ZFPM2: variants seen among roughly 807,000 people sequenced by gnomAD.
ZFPM2 encodes the protein zinc finger protein ZFPM2.
In ZFPM2, 20 loss-of-function variants were observed where a neutral mutation model predicts 98.6. That is an observed-to-expected ratio of 0.20 (90% confidence interval 0.14 to 0.29). ZFPM2 has a LOEUF of 0.29. Among genes scored for constraint, ZFPM2 ranks in the 10% least tolerant of loss-of-function variants. ZFPM2 has a pLI of 1.00. For synonymous variants in ZFPM2, 518 were observed against 502.7 expected, an observed-to-expected ratio of 1.03 and a Z score of -0.41; for missense variants, 1,310 against 1,388.6, an observed-to-expected ratio of 0.94 and a Z score of 0.90.
intron 5 of ZFPM2, among the ~76,000 whole-genome samples, chr8:105,734,651 A>G (rs964962686): frequency 6.6e-6 from 1 of 151,960 alleles, no homozygotes; most frequent in African/African-American, 2.4e-5. Context: ...TAAATATTTG[A>G]TAAATCAGAA....
intron 3 of ZFPM2, among the ~76,000 whole-genome samples, chr8:105,516,388 A>G (rs1030327334): frequency 2.1e-5 from 3 of 145,814 alleles, no homozygotes; most frequent in African/African-American, 8.2e-5. Flanking sequence ...TCTTGAAACT[A>G]ATTATTAAAA....
chr8:105,378,971 G>A (rs1247006540), intron 1 of ZFPM2, among the ~76,000 whole-genome samples: 1 of 152,088 alleles, frequency 6.6e-6, no homozygotes, highest in Non-Finnish European at 1.5e-5. Context: ...TAGATGGTTA[G>A]ATAGGTAGGT....
At chr8:105,746,043 A>G (rs1466760450) in intron 5 of ZFPM2, among the ~76,000 whole-genome samples, 1 of 152,028 alleles carries the variant, frequency 6.6e-6, no homozygotes, top group Non-Finnish European at 1.5e-5. Flanking sequence ...AAGTGCTGGG[A>G]TTATAGACCC....
At chr8:105,559,493 G>T (rs1338109086) in intron 3 of ZFPM2, among the ~76,000 whole-genome samples, 1 of 152,090 alleles carries the variant, frequency 6.6e-6, no homozygotes, top group Admixed American at 6.6e-5. Context: ...GAGAAGAAGG[G>T]TGAATGAAAG....
At chr8:105,573,355 C>T (rs1815397556) in intron 4 of ZFPM2, among the ~76,000 whole-genome samples, 1 of 152,102 alleles carries the variant, frequency 6.6e-6, no homozygotes, top group African/African-American at 2.4e-5. Flanking sequence ...TGACTGGGGG[C>T]CAACTCAGAG....
At chr8:105,375,120 A>T (rs1210115744) in intron 1 of ZFPM2, among the ~76,000 whole-genome samples, 1 of 152,060 alleles carries the variant, frequency 6.6e-6, no homozygotes, top group East Asian at 1.9e-4. Context: ...ATGGACCTAA[A>T]TTTTTTTTCC....
intron 4 of ZFPM2, among the ~76,000 whole-genome samples, chr8:105,567,248 A>G (rs542811084): frequency 6.6e-6 from 1 of 152,300 alleles, no homozygotes; most frequent in South Asian, 2.1e-4. Context: ...AAGGCTGCTC[A>G]GTGGGCACAC....
At chr8:105,494,584 C>G (rs572027459) in intron 3 of ZFPM2, among the ~76,000 whole-genome samples, 151 of 152,124 alleles carry the variant, frequency 9.9e-4, no homozygotes, top group African/African-American at 3.2e-3. Context: ...TTTCCATTGT[C>G]CTTTGAAGAA....
At position 105,556,580 on chromosome 8, in the gene ZFPM2, C is replaced by A. The variant is rs57125833; in HGVS notation, c.302-4783C>A. 3.9e-5 allele frequency among the ~76,000 whole-genome samples: 6 copies of A among 152,176 alleles called. No individual in the cohort carries two copies. The East Asian group carries it at 1.2e-3, about 30-fold the overall frequency. ...TCATTCAATTGTGAACCCATTCCAGCGTGTATCCCGGTCTACCACTTTACA... is the reference window on the plus strand; with the variant it reads ...TCATTCAATTGTGAACCCATTCCAGAGTGTATCCCGGTCTACCACTTTACA... On this transcript the variant is annotated intron_variant, in intron 3 of 7. Transcript: ENST00000407775.
chr8:105,582,574 G>C (rs970928905), intron 4 of ZFPM2, among the ~76,000 whole-genome samples: 2 of 152,074 alleles, frequency 1.3e-5, no homozygotes, highest in Admixed American at 1.3e-4. Context: ...AAAATATAGA[G>C]GTGTTTGGCA....
intron 5 of ZFPM2, among the ~76,000 whole-genome samples, chr8:105,709,972 A>AT (rs965592251): frequency 2.6e-5 from 4 of 151,722 alleles, no homozygotes; most frequent in South Asian, 2.1e-4. Flanking sequence ...TGGGGACATT[A>AT]TTTTTTTTAA....
intron 4 of ZFPM2, among the ~76,000 whole-genome samples, chr8:105,607,414 A>G (rs1381220285): frequency 6.6e-6 from 1 of 152,114 alleles, no homozygotes; most frequent in Non-Finnish European, 1.5e-5. Flanking sequence ...GGACCTTGCT[A>G]TCTCCGATGA....
At chr8:105,423,306 G>C (rs1352935113) in intron 2 of ZFPM2, among the ~76,000 whole-genome samples, 1 of 151,988 alleles carries the variant, frequency 6.6e-6, no homozygotes, top group Non-Finnish European at 1.5e-5. Flanking sequence ...CATTTCCTAT[G>C]TCTCTTTTTA....
At chr8:105,425,841 G>T (rs1403337604) in intron 2 of ZFPM2, among the ~76,000 whole-genome samples, 1 of 152,178 alleles carries the variant, frequency 6.6e-6, no homozygotes, top group African/African-American at 2.4e-5. Flanking sequence ...ATAACGAAAA[G>T]AATGCTTTTT....
chr8:105,763,940 A>T (rs180978316), intron 5 of ZFPM2, among the ~76,000 whole-genome samples: 3 of 151,998 alleles, frequency 2.0e-5, no homozygotes, highest in African/African-American at 7.2e-5. Flanking sequence ...TTAGCATAGC[A>T]GAGAAGCTTT....
intron 4 of ZFPM2, among the ~76,000 whole-genome samples, chr8:105,596,955 G>GT: frequency 6.6e-6 from 1 of 151,194 alleles, no homozygotes; most frequent in South Asian, 2.1e-4. Context: ...TAATGCTGTT[G>GT]TTTTTTGTAA....
chr8:105,442,673 C>T (rs1812278430), intron 2 of ZFPM2, among the ~76,000 whole-genome samples: 1 of 152,152 alleles, frequency 6.6e-6, no homozygotes, highest in Non-Finnish European at 1.5e-5. Context: ...GTTAAGTAAA[C>T]TGAGTTCAAC....
chr8:105,715,802 G>A (rs1383322087), intron 5 of ZFPM2, among the ~76,000 whole-genome samples: 1 of 151,936 alleles, frequency 6.6e-6, no homozygotes, highest in Non-Finnish European at 1.5e-5. Flanking sequence ...TCTCAACAGG[G>A]AACAAGCATT....
At chr8:105,385,360 C>A (rs1318824131) in intron 1 of ZFPM2, among the ~76,000 whole-genome samples, 1 of 152,178 alleles carries the variant, frequency 6.6e-6, no homozygotes, top group Non-Finnish European at 1.5e-5. Context: ...TTGGGCTTCT[C>A]TTGAGCAACT....
Sources: allele counts gnomAD v4.1 joint callset (sites outside exome capture counted in the v4.1 genomes callset), GRCh38; gene constraint gnomAD v4.1.1; transcripts MANE v1.5; gene names NCBI Gene and HGNC (gene_info 2026-07-23, HGNC 2026-07-21).